DLG2: variants seen among roughly 807,000 people sequenced by gnomAD.
DLG2 encodes the protein disks large homolog 2.
A neutral mutation model predicts 132.5 loss-of-function variants in DLG2; 45 were observed. That is an observed-to-expected ratio of 0.34 (90% confidence interval 0.27 to 0.44). The LOEUF (loss-of-function observed/expected upper bound fraction) is 0.44, where lower values mean the gene tolerates loss of function less well. Among genes scored for constraint, DLG2 ranks in the 20% least tolerant of loss-of-function variants. The pLI, the probability that DLG2 is intolerant of heterozygous loss-of-function variation, is 1.00. For synonymous variants in DLG2, 424 were observed against 419.6 expected, an observed-to-expected ratio of 1.01 and a Z score of -0.13; for missense variants, 1,045 against 1,196.9, an observed-to-expected ratio of 0.87 and a Z score of 1.87.
chr11:83,737,094 G>A (rs934486205), intron 18 of DLG2, among the ~76,000 whole-genome samples: 6 of 152,196 alleles, frequency 3.9e-5, no homozygotes, highest in Non-Finnish European at 8.8e-5. Context: ...CACCTGTTTG[G>A]ATAAAAGCAA....
intron 6 of DLG2, among the ~76,000 whole-genome samples, chr11:85,064,232 T>G (rs1180212628): frequency 1.3e-5 from 2 of 151,994 alleles, no homozygotes; most frequent in East Asian, 3.9e-4. Context: ...TGAGCTTATA[T>G]TATAAAAACA....
chr11:83,786,527 G>A, intron 18 of DLG2, 163 bp downstream of exon 18: 1 of 582,802 alleles, frequency 1.7e-6, no homozygotes, highest in Non-Finnish European at 3.0e-6. Flanking sequence ...AGGTAACAAA[G>A]CCACGGTTCA....
At chr11:84,741,063 T>C (rs2064570904) in intron 6 of DLG2, among the ~76,000 whole-genome samples, 1 of 134,394 alleles carries the variant, frequency 7.4e-6, no homozygotes, top group African/African-American at 2.8e-5. Flanking sequence ...GCTCTTTTTT[T>C]TTTTTTTTTT....
intron 21 of DLG2, among the ~76,000 whole-genome samples, chr11:83,513,912 C>T (rs143727545): frequency 0.065 from 9,910 of 152,066 alleles, 356 homozygotes; most frequent in Middle Eastern, 0.12. Flanking sequence ...ACCAGTACCA[C>T]GCTGTTTTGG....
intron 8 of DLG2, among the ~76,000 whole-genome samples, chr11:84,209,762 A>C (rs1276771194): frequency 1.3e-5 from 2 of 152,240 alleles, no homozygotes; most frequent in Non-Finnish European, 1.5e-5. Context: ...AAGCGCAATG[A>C]GATGCCACTC....
chr11:83,462,357 GTCCCTGT>G (rs1430487016), intron 26 of DLG2, among the ~76,000 whole-genome samples: 2 of 152,148 alleles, frequency 1.3e-5, no homozygotes, highest in Non-Finnish European at 2.9e-5. Flanking sequence ...GTAGTCACTG[GTCCCTGT>G]TCTGCAGGGA....
At chr11:84,534,179 C>T (rs929991038) in intron 7 of DLG2, among the ~76,000 whole-genome samples, 2 of 152,124 alleles carry the variant, frequency 1.3e-5, no homozygotes, top group African/African-American at 4.8e-5. Context: ...GACAGTAAAG[C>T]AATCATTAGA....
intron 14 of DLG2, among the ~76,000 whole-genome samples, chr11:83,939,857 G>A (rs939134754): frequency 6.6e-6 from 1 of 152,122 alleles, no homozygotes; most frequent in Admixed American, 6.5e-5. Context: ...TAACTGAATA[G>A]ATGCTAAGAC....
chr11:84,417,219 G>T (rs919788186), intron 7 of DLG2, among the ~76,000 whole-genome samples: 1 of 152,136 alleles, frequency 6.6e-6, no homozygotes, highest in Non-Finnish European at 1.5e-5. Context: ...TGAACACTTT[G>T]CTTGGATTTC....
intron 18 of DLG2, among the ~76,000 whole-genome samples, chr11:83,649,838 T>G (rs1363295527): frequency 6.6e-6 from 1 of 152,186 alleles, no homozygotes; most frequent in Non-Finnish European, 1.5e-5. Context: ...CTGTTTTTCC[T>G]CCATGATTTC....
chr11:84,622,578 G>C (rs992093339), intron 6 of DLG2, among the ~76,000 whole-genome samples: 2 of 152,174 alleles, frequency 1.3e-5, no homozygotes, highest in East Asian at 3.9e-4. Flanking sequence ...CACGTGTTAG[G>C]TGTTTCACAG....
chr11:83,945,806 C>CTCTG (rs1555194132), intron 14 of DLG2, among the ~76,000 whole-genome samples: 2 of 136,290 alleles, frequency 1.5e-5, no homozygotes, highest in Admixed American at 7.4e-5. Context: ...AGAAATGCCT[C>CTCTG]TGTGTGTGTG....
intron 21 of DLG2, among the ~76,000 whole-genome samples, chr11:83,513,288 G>A (rs952409625): frequency 1.3e-5 from 2 of 152,188 alleles, no homozygotes; most frequent in African/African-American, 4.8e-5. Context: ...GTGATGATGA[G>A]CATTTTTTCA....
rs560175810 is a variant in DLG2 at position 85,148,340 on chromosome 11, C to A, written c.282+6216G>T. Among the ~76,000 whole-genome samples the A allele has an allele frequency of 1.5e-3, 223 of 152,286 alleles. 1 individual carries two copies. Among genetic ancestry groups the A allele is most frequent in the African/African-American group, 5.2e-3 (215 of 41,552 alleles). On this transcript the variant is annotated intron_variant, in intron 5 of 27. Transcript: ENST00000376104. ...TGAGGAATTGGCACACTGTCTTCCA[C>A]AACAGTTGAACTAATTTACATTCCC...
intron 9 of DLG2, among the ~76,000 whole-genome samples, chr11:84,120,079 A>G (rs2093832206): frequency 6.6e-6 from 1 of 152,190 alleles, no homozygotes; most frequent in South Asian, 2.1e-4. Context: ...AGGCAAAGGG[A>G]AGAATTGGCC....
intron 6 of DLG2, among the ~76,000 whole-genome samples, chr11:84,711,035 G>GAGAA: frequency 8.0e-6 from 1 of 124,672 alleles, no homozygotes; most frequent in African/African-American, 3.6e-5. Context: ...TATATATAGA[G>GAGAA]CTGAAAAAAG....
chr11:83,926,118 T>TTTTTTTTTTTTTTTTTTTTTTTTTTTGAG (rs1565666142), intron 15 of DLG2, among the ~76,000 whole-genome samples: 1 of 150,862 alleles, frequency 6.6e-6, no homozygotes, highest in African/African-American at 2.5e-5. Flanking sequence ...TGTTTTCTTT[T>TTTTTTTTTTTTTTTTTTTTTTTTTTTGAG]AAACGGTCTT....
intron 8 of DLG2, among the ~76,000 whole-genome samples, chr11:84,214,254 TATATATGA>T (rs2096802373): frequency 7.0e-6 from 1 of 143,250 alleles, no homozygotes; most frequent in African/African-American, 2.8e-5. Flanking sequence ...TATATATACA[TATATATGA>T]ATATATATAC....
intron 18 of DLG2, among the ~76,000 whole-genome samples, chr11:83,715,548 T>C (rs188993311): frequency 6.6e-6 from 1 of 152,354 alleles, no homozygotes; most frequent in East Asian, 1.9e-4. Flanking sequence ...GTCTTCTTAA[T>C]GACTGTCCTT....
Sources: gnomAD v4.1 joint callset for allele counts (sites outside exome capture counted in the v4.1 genomes callset) on GRCh38, gnomAD v4.1.1 for gene constraint, MANE v1.5 for transcripts, NCBI Gene and HGNC (gene_info 2026-07-23, HGNC 2026-07-21) for gene names.